Variants in TRDN observed in about 807,000 individuals in gnomAD.
The protein encoded by TRDN is triadin, also known as triadin in skeletal muscle.
Under a neutral mutation model 149.7 loss-of-function variants are expected in TRDN, and 161 were observed. The ratio of observed to expected loss-of-function variants is 1.08; its 90% CI spans 0.95 to 1.23. The LOEUF (loss-of-function observed/expected upper bound fraction) is 1.23. Ranked by LOEUF, TRDN falls within the 50% of genes most tolerant of loss-of-function variation. The pLI, the probability that TRDN is intolerant of heterozygous loss-of-function variation, is 0.00. For synonymous variants in TRDN, 294 were observed against 250.5 expected, an observed-to-expected ratio of 1.17 and a Z score of -1.64; for missense variants, 896 against 823.5, an observed-to-expected ratio of 1.09 and a Z score of -1.08.
rs1780515165 is a variant in TRDN, at chr6:123,352,719, T to C, written c.1322-133A>G. ...AGTTATTTTGAAGCTTCTTAAACAT[T>C]TCTCATTTCTCTATAACGCAATTGA... On this transcript the variant is annotated intron_variant, in intron 20 of 40. Transcript: ENST00000334268. 1.0e-5 allele frequency: 13 copies of C among 1,238,334 alleles called. No homozygotes were observed. The South Asian group carries it at 2.3e-4, about 22-fold the overall frequency. The allele number at this position is 1,238,334 out of a possible 1,614,324, so 76.7% of individuals were successfully genotyped here. A position where few individuals can be genotyped will look rare whatever the true frequency, so the allele number is the denominator to read the frequency against.
At chr6:123,341,738 A>G (rs757716898) in intron 21 of TRDN, among the ~76,000 whole-genome samples, 64 of 152,004 alleles carry the variant, frequency 4.2e-4, no homozygotes, top group Non-Finnish European at 8.2e-4. Flanking sequence ...AGTGAATTCC[A>G]AAAGCATCAA....
At chr6:123,322,088 A>G (rs957775500) in intron 23 of TRDN, among the ~76,000 whole-genome samples, 3 of 152,198 alleles carry the variant, frequency 2.0e-5, no homozygotes, top group African/African-American at 7.2e-5. Context: ...AGCCACATCC[A>G]TATGGTCTTG....
chr6:123,434,001 T>G (rs1020856666), intron 12 of TRDN: 1 of 152,182 alleles, frequency 6.6e-6, no homozygotes, highest in Non-Finnish European at 1.5e-5. Flanking sequence ...TATCCATGCT[T>G]CTTTTATCTA....
intron 12 of TRDN, among the ~76,000 whole-genome samples, chr6:123,416,698 C>CTTTTTTT (rs139842688): frequency 1.6e-4 from 23 of 146,316 alleles, no homozygotes; most frequent in African/African-American, 1.8e-4. Flanking sequence ...TTCTTTTCCT[C>CTTTTTTT]TTTTTTTCTT....
At chr6:123,612,450 C>CA (rs889484708) in intron 1 of TRDN, among the ~76,000 whole-genome samples, 535 of 144,830 alleles carry the variant, frequency 3.7e-3, no homozygotes, top group African/African-American at 9.2e-3. Flanking sequence ...AACAGCAATC[C>CA]AAAAAAAAAA....
intron 24 of TRDN, among the ~76,000 whole-genome samples, chr6:123,315,859 T>C (rs1182690306): frequency 1.3e-5 from 2 of 151,886 alleles, no homozygotes; most frequent in Non-Finnish European, 2.9e-5. Flanking sequence ...CTTGACTTCT[T>C]CCCTTGCAAA....
At chr6:123,375,737 A>G in intron 18 of TRDN, 106 bp from the exon 19 acceptor site, 2 of 909,760 alleles carry the variant, frequency 2.2e-6, no homozygotes, top group South Asian at 2.1e-5. Flanking sequence ...TGTGTGTATA[A>G]TATTGGAAGC....
chr6:123,559,400 TTAAC>T (rs1479634756), intron 2 of TRDN, among the ~76,000 whole-genome samples: 4 of 152,122 alleles, frequency 2.6e-5, no homozygotes, highest in South Asian at 2.1e-4. Flanking sequence ...CCGAGACACT[TTAAC>T]TAAATTATCT....
intron 12 of TRDN, among the ~76,000 whole-genome samples, chr6:123,411,247 G>A (rs547005924): frequency 2.5e-4 from 38 of 151,818 alleles, no homozygotes; most frequent in African/African-American, 5.8e-4. Context: ...AGCTTTCTCC[G>A]TGTTGGCAGG....
intron 13 of TRDN, 106 bp downstream of exon 13, chr6:123,393,518 C>A: frequency 2.1e-6 from 2 of 952,880 alleles, no homozygotes; most frequent in East Asian, 2.8e-5. Context: ...TTTGCAATAT[C>A]CCAGCAGATG....
At chr6:123,401,743 G>A (rs1213777431) in intron 12 of TRDN, among the ~76,000 whole-genome samples, 3 of 151,912 alleles carry the variant, frequency 2.0e-5, no homozygotes, top group African/African-American at 4.8e-5. Flanking sequence ...TCAGGAGTTC[G>A]AGACAGCCTA....
intron 22 of TRDN, among the ~76,000 whole-genome samples, chr6:123,334,151 T>C (rs1299421797): frequency 6.6e-6 from 1 of 151,928 alleles, no homozygotes; most frequent in African/African-American, 2.4e-5. Context: ...TAGCTTTGAA[T>C]TGTTGAGTGG....
chr6:123,408,450 G>T (rs541067188), intron 12 of TRDN, among the ~76,000 whole-genome samples: 1 of 152,184 alleles, frequency 6.6e-6, no homozygotes, highest in East Asian at 1.9e-4. Flanking sequence ...GGCCGAGGTG[G>T]GTGGATCACC....
chr6:123,462,647 T>C (rs1447148111), intron 10 of TRDN: 2 of 152,218 alleles, frequency 1.3e-5, no homozygotes, highest in Non-Finnish European at 2.9e-5. Flanking sequence ...TCCTCAAATA[T>C]AACAGCATAC....
At chr6:123,407,755 ATT>A (rs139230651) in intron 12 of TRDN, among the ~76,000 whole-genome samples, 2 of 151,428 alleles carry the variant, frequency 1.3e-5, no homozygotes, top group African/African-American at 4.9e-5. Flanking sequence ...GCATGGCAAT[ATT>A]TTTTTTTGTA....
chr6:123,266,482 T>TG (rs1776986693), intron 32 of TRDN, among the ~76,000 whole-genome samples: 1 of 39,170 alleles, frequency 2.6e-5, no homozygotes. Context: ...ATATATATTA[T>TG]AATATGTATT....
At chr6:123,558,422 C>G (rs751811626) in intron 2 of TRDN, among the ~76,000 whole-genome samples, 2 of 152,134 alleles carry the variant, frequency 1.3e-5, no homozygotes, top group Admixed American at 1.3e-4. Flanking sequence ...AGCCCTCCCC[C>G]ACCTGCCCAG....
At chr6:123,504,072 T>A (rs1214650333) in intron 7 of TRDN, among the ~76,000 whole-genome samples, 171 bp from the exon 8 acceptor site, 1 of 151,604 alleles carries the variant, frequency 6.6e-6, no homozygotes, top group East Asian at 2.0e-4. Flanking sequence ...ATACTGTTCT[T>A]AACATAAACA....
At chr6:123,317,837 A>G (rs1038158766) in intron 23 of TRDN, among the ~76,000 whole-genome samples, 8 of 152,036 alleles carry the variant, frequency 5.3e-5, no homozygotes, top group Admixed American at 1.3e-4. Flanking sequence ...AATGGAATAT[A>G]TAGAATGACT....
Sources: allele counts gnomAD v4.1 joint callset (sites outside exome capture counted in the v4.1 genomes callset), GRCh38; gene constraint gnomAD v4.1.1; transcripts MANE v1.5; gene names NCBI Gene and HGNC (gene_info 2026-07-23, HGNC 2026-07-21).